Variants in CBFB observed in about 807,000 individuals in gnomAD.
CBFB encodes the protein core-binding factor subunit beta, also known as CBF-beta.
CBFB carries 9 observed loss-of-function variants against 30.4 expected under a neutral mutation model. The ratio of observed to expected loss-of-function variants is 0.30; its 90% CI spans 0.18 to 0.52. The LOEUF is 0.52. Ranked by LOEUF, CBFB falls within the 20% of genes least tolerant of loss-of-function variation. CBFB has a pLI of 0.97. For synonymous variants in CBFB, 94 were observed against 84.0 expected (o/e 1.12, Z -0.65); for missense variants, 170 against 244.0 (o/e 0.70, Z 2.02).
chr16:67,077,739 C>T (rs564255126), intron 4 of CBFB, among the ~76,000 whole-genome samples: 152 of 152,068 alleles, frequency 1.0e-3, no homozygotes, highest in Non-Finnish European at 1.5e-3. Context: ...TAAGTGTTAC[C>T]GAACTGTTAA....
chr16:67,069,333 G>A (rs1961152086), intron 4 of CBFB, among the ~76,000 whole-genome samples: 1 of 151,470 alleles, frequency 6.6e-6, no homozygotes, highest in Admixed American at 6.6e-5. Context: ...TCGCATCACT[G>A]CACTCCAGCC....
At chr16:67,041,994 A>G (rs1476661962) in intron 3 of CBFB, among the ~76,000 whole-genome samples, 2 of 151,148 alleles carry the variant, frequency 1.3e-5, no homozygotes, top group African/African-American at 4.9e-5. Context: ...TGCAGCCTCA[A>G]TGTCCCAAGC....
intron 5 of CBFB, among the ~76,000 whole-genome samples, chr16:67,082,901 AAAT>A (rs995205669): frequency 1.9e-4 from 29 of 152,248 alleles, no homozygotes; most frequent in Admixed American, 1.8e-3. Context: ...ACATTTTTTA[AAAT>A]AATAATAAAT....
intron 3 of CBFB, among the ~76,000 whole-genome samples, chr16:67,050,251 T>C (rs1966716488): frequency 6.8e-6 from 1 of 146,022 alleles, no homozygotes; most frequent in African/African-American, 2.6e-5. Flanking sequence ...ATATATCACA[T>C]AAATTATATA....
intron 4 of CBFB, among the ~76,000 whole-genome samples, chr16:67,080,995 CTT>C (rs965587816): frequency 1.2e-4 from 18 of 151,830 alleles, no homozygotes; most frequent in Admixed American, 4.6e-4. Flanking sequence ...TATATATATA[CTT>C]TTAAGTTTTA....
intron 2 of CBFB, among the ~76,000 whole-genome samples, chr16:67,031,760 A>G (rs987220734): frequency 5.4e-5 from 8 of 149,118 alleles, no homozygotes; most frequent in Non-Finnish European, 1.5e-5. Flanking sequence ...TAATCCTCCC[A>G]CCTCGGCCTT....
chr16:67,090,970 T>G (rs930688364), intron 5 of CBFB, among the ~76,000 whole-genome samples: 3 of 150,170 alleles, frequency 2.0e-5, no homozygotes, highest in Non-Finnish European at 4.5e-5. Context: ...TTCCGAAGAC[T>G]TCAGTTTTCA....
At chr16:67,039,371 G>A (rs1966493800) in intron 3 of CBFB, among the ~76,000 whole-genome samples, 1 of 152,204 alleles carries the variant, frequency 6.6e-6, no homozygotes, top group Non-Finnish European at 1.5e-5. Context: ...AATGGAGCTT[G>A]CAGGACTGGA....
At chr16:67,049,964 G>A (rs1382093282) in intron 3 of CBFB, among the ~76,000 whole-genome samples, 6 of 151,844 alleles carry the variant, frequency 4.0e-5, no homozygotes, top group African/African-American at 7.3e-5. Context: ...TTCAAAAGTC[G>A]TATTATCTGT....
At chr16:67,090,363 C>CT (rs1380242678) in intron 5 of CBFB, among the ~76,000 whole-genome samples, 1 of 152,198 alleles carries the variant, frequency 6.6e-6, no homozygotes, top group East Asian at 1.9e-4. Flanking sequence ...GCATCTGTTG[C>CT]TATATAGAAG....
At chr16:67,080,308 CTAAG>C (rs1961520378) in intron 4 of CBFB, among the ~76,000 whole-genome samples, 1 of 151,964 alleles carries the variant, frequency 6.6e-6, no homozygotes, top group African/African-American at 2.4e-5. Context: ...TTGCAATGGT[CTAAG>C]TGAGATTTTA....
intron 5 of CBFB, among the ~76,000 whole-genome samples, chr16:67,093,131 A>G (rs532884871): frequency 2.8e-4 from 43 of 152,192 alleles, no homozygotes; most frequent in African/African-American, 1.0e-3. Context: ...AATTTTTTGT[A>G]GGGGCAGGAT....
At chr16:67,040,306 C>G (rs1297968786) in intron 3 of CBFB, among the ~76,000 whole-genome samples, 1 of 152,212 alleles carries the variant, frequency 6.6e-6, no homozygotes, top group African/African-American at 2.4e-5. Context: ...TCCATATTCT[C>G]TCAACTGAGT....
chr16:67,066,393 C>CAAAA (rs56360240), intron 3 of CBFB, among the ~76,000 whole-genome samples: 30 of 96,036 alleles, frequency 3.1e-4, no homozygotes, highest in African/African-American at 9.0e-4. Context: ...ACTAAAAATA[C>CAAAA]AAAAAAAAAA....
intron 5 of CBFB, among the ~76,000 whole-genome samples, chr16:67,091,336 T>C (rs1961874051): frequency 6.6e-6 from 1 of 152,266 alleles, no homozygotes; most frequent in Non-Finnish European, 1.5e-5. Flanking sequence ...AGTTCATAAA[T>C]GGAAATGGGA....
At chr16:67,053,177 T>TA (rs1045951976) in intron 3 of CBFB, among the ~76,000 whole-genome samples, 11 of 151,442 alleles carry the variant, frequency 7.3e-5, no homozygotes, top group African/African-American at 1.5e-4. Flanking sequence ...GTTTAGTTTT[T>TA]AAAAAAAATG....
intron 3 of CBFB, among the ~76,000 whole-genome samples, chr16:67,057,816 A>T (rs547429250): frequency 1.3e-5 from 2 of 152,170 alleles, no homozygotes; most frequent in East Asian, 3.9e-4. Flanking sequence ...TTAAGTATTT[A>T]TATACTTGGT....
chr16:67,044,665 A>G (rs968243990), intron 3 of CBFB, among the ~76,000 whole-genome samples: 4 of 152,208 alleles, frequency 2.6e-5, no homozygotes, highest in Admixed American at 6.6e-5. Context: ...ATAAAGGTCT[A>G]TGATTCTGCT....
intron 4 of CBFB, among the ~76,000 whole-genome samples, chr16:67,076,979 T>C (rs1205030435): frequency 6.6e-6 from 1 of 152,192 alleles, no homozygotes; most frequent in East Asian, 1.9e-4. Flanking sequence ...TATAAAGATA[T>C]TTGTAAGTTA....
Sources: allele counts gnomAD v4.1 joint callset (sites outside exome capture counted in the v4.1 genomes callset), GRCh38; gene constraint gnomAD v4.1.1; transcripts MANE v1.5; gene names NCBI Gene and HGNC (gene_info 2026-07-23, HGNC 2026-07-21).